The following RORB variants were observed in gnomAD, a reference collection of about 807,000 sequenced individuals.
The protein encoded by RORB is RAR related orphan receptor B, also known as nuclear receptor ROR-beta.
RORB carries 6 observed loss-of-function variants against 59.1 expected under a neutral mutation model. That is an observed-to-expected ratio of 0.10 (90% confidence interval 0.06 to 0.20). RORB has a LOEUF of 0.20. RORB is among the 10% of genes least tolerant of loss of function. The probability of loss-of-function intolerance (pLI) is 1.00; values close to 1 mark genes in which losing one functional copy is unlikely to be tolerated. For synonymous variants in RORB, 215 were observed against 204.5 expected, an observed-to-expected ratio of 1.05 and a Z score of -0.44; for missense variants, 320 against 560.5, an observed-to-expected ratio of 0.57 and a Z score of 4.33.
At chr9:74,573,698 C>A (rs1348529531) in intron 1 of RORB, among the ~76,000 whole-genome samples, 1 of 152,078 alleles carries the variant, frequency 6.6e-6, no homozygotes, top group South Asian at 2.1e-4. Context: ...AGAGCAATAA[C>A]CAACTGCCAG....
intron 1 of RORB, among the ~76,000 whole-genome samples, chr9:74,528,382 G>A (rs960783370): frequency 1.3e-5 from 2 of 152,030 alleles, no homozygotes; most frequent in Non-Finnish European, 2.9e-5. Context: ...GCAAGCCTCA[G>A]GCATCAACGT....
chr9:74,523,903 G>A (rs1318970559), intron 1 of RORB, among the ~76,000 whole-genome samples: 1 of 150,702 alleles, frequency 6.6e-6, no homozygotes, highest in Non-Finnish European at 1.5e-5. Flanking sequence ...CCTGAGCTGT[G>A]AAATGCTCTT....
chr9:74,568,554 G>A lies in RORB; in HGVS notation c.8-61728G>A, dbSNP rs181466587. Among the ~76,000 whole-genome samples, 780 of 151,936 alleles carry A rather than the reference G, an allele frequency of 5.1e-3. 2 individuals are homozygous for A. The highest frequency in any genetic ancestry group is 0.014 in the African/African-American group (562 of 41,448). On this transcript the variant is annotated intron_variant, in intron 1 of 9. Transcript: ENST00000376896. Reference sequence around the variant, plus strand: ...GTCTCTACTAAAAATACAAAAATTAGCCAGGTGTGGTGGTGGGCACCTATA... The same window carrying A: ...GTCTCTACTAAAAATACAAAAATTAACCAGGTGTGGTGGTGGGCACCTATA...
chr9:74,682,400 T>A (rs1307392544), intron 9 of RORB, among the ~76,000 whole-genome samples: 2 of 151,862 alleles, frequency 1.3e-5, no homozygotes, highest in Non-Finnish European at 2.9e-5. Context: ...AACCTGCACG[T>A]TGTGCACATG....
Position 74,690,180 on chromosome 9 carries a change from T to C in RORB, c.*4562T>C, listed in dbSNP as rs932994182. 15 of 152,152 alleles carry C rather than the reference T, an allele frequency of 9.9e-5. No homozygotes were observed. Among genetic ancestry groups the C allele is most frequent in the African/African-American group, 3.4e-4 (14 of 41,436 alleles). 9.4% of individuals were successfully genotyped at this position (152,152 alleles called of 1,614,324 possible). A position where few individuals can be genotyped will look rare whatever the true frequency, so the allele number is the denominator to read the frequency against. ...TTATTTGATGTTCTGTTTCCAACTG[T>C]CAGTATAAGCAGCAACTAGAGTAAA... is the stretch of plus-strand genomic sequence containing the variant. On this transcript the variant is annotated 3_prime_UTR_variant, in exon 10 of 10. Transcript: ENST00000376896.
At chr9:74,632,695 C>G (rs1823638948) in intron 2 of RORB, among the ~76,000 whole-genome samples, 1 of 152,062 alleles carries the variant, frequency 6.6e-6, no homozygotes, top group Non-Finnish European at 1.5e-5. Context: ...TCTTTTCTGT[C>G]CTGTCAACTC....
chr9:74,566,376 TTA>T (rs1483004365), intron 1 of RORB, among the ~76,000 whole-genome samples: 1 of 152,124 alleles, frequency 6.6e-6, no homozygotes, highest in African/African-American at 2.4e-5. Context: ...AACATATTAT[TTA>T]TGTTATTTTC....
chr9:74,624,127 T>C (rs1823469225), intron 1 of RORB, among the ~76,000 whole-genome samples: 1 of 149,782 alleles, frequency 6.7e-6, no homozygotes, highest in African/African-American at 2.4e-5. Context: ...TCTTTTGTCA[T>C]TATCATATGG....
At chr9:74,664,504 G>T (rs1824237688) in intron 6 of RORB, among the ~76,000 whole-genome samples, 2 of 152,166 alleles carry the variant, frequency 1.3e-5, no homozygotes, top group Admixed American at 6.5e-5. Flanking sequence ...ATTGTAAGGA[G>T]CAAAGATAAA....
intron 1 of RORB, among the ~76,000 whole-genome samples, chr9:74,579,805 C>A (rs920834737): frequency 3.3e-5 from 5 of 152,118 alleles, no homozygotes; most frequent in Admixed American, 1.3e-4. Flanking sequence ...TTCTGGGAAG[C>A]CTTATCTGAC....
intron 1 of RORB, among the ~76,000 whole-genome samples, chr9:74,624,545 C>A (rs1453722356): frequency 6.6e-6 from 1 of 152,204 alleles, no homozygotes. Context: ...CCCATCCCAA[C>A]CTTGGGGCTA....
intron 1 of RORB, among the ~76,000 whole-genome samples, chr9:74,621,945 T>G (rs913931350): frequency 3.3e-5 from 5 of 152,260 alleles, no homozygotes; most frequent in Admixed American, 6.5e-5. Flanking sequence ...TGGATTCAAG[T>G]ACTTTATTAC....
At chr9:74,554,261 C>A (rs1165903961) in intron 1 of RORB, among the ~76,000 whole-genome samples, 4 of 152,170 alleles carry the variant, frequency 2.6e-5, no homozygotes, top group Admixed American at 2.0e-4. Flanking sequence ...GGCCTCCTGA[C>A]TCCTAGTGCC....
chr9:74,559,097 A>G (rs1212720381), intron 1 of RORB, among the ~76,000 whole-genome samples: 1 of 152,130 alleles, frequency 6.6e-6, no homozygotes, highest in Non-Finnish European at 1.5e-5. Context: ...ATATTTTCCA[A>G]ACTCCGTGCA....
In RORB at chr9:74,693,099, T is replaced by G. The variant is rs1168053176; in HGVS notation, c.*7481T>G. The G allele has an allele frequency of 6.6e-6, 1 of 152,212 alleles. No homozygotes were observed. The highest frequency in any genetic ancestry group is 2.4e-5 in the African/African-American group (1 of 41,456). 9.4% of individuals were successfully genotyped at this position (152,212 alleles called of 1,614,324 possible). The stretch of plus-strand genomic sequence containing the variant: ...ATAATGCACACATGATTTCTGAATG[T>G]TTTCTGTAAATGACAATCAATGTTT... On this transcript the variant is annotated 3_prime_UTR_variant, in exon 10 of 10. Transcript: ENST00000376896.
At chr9:74,664,422 G>A (rs534140420) in intron 6 of RORB, among the ~76,000 whole-genome samples, 17 of 152,140 alleles carry the variant, frequency 1.1e-4, no homozygotes, top group African/African-American at 4.1e-4. Flanking sequence ...CAAAAAGGTA[G>A]GGTACTTAAT....
intron 1 of RORB, among the ~76,000 whole-genome samples, chr9:74,553,191 C>T (rs1289674729): frequency 3.3e-5 from 5 of 152,098 alleles, no homozygotes; most frequent in Non-Finnish European, 7.4e-5. Flanking sequence ...TTCGGTAGTC[C>T]TGGCGGGAGC....
At chr9:74,585,000 G>A (rs928260724) in intron 1 of RORB, among the ~76,000 whole-genome samples, 9 of 152,136 alleles carry the variant, frequency 5.9e-5, no homozygotes, top group African/African-American at 2.2e-4. Context: ...GGTGGACTGG[G>A]TCCCCATCCC....
intron 4 of RORB, among the ~76,000 whole-genome samples, chr9:74,654,434 G>A (rs115631223): frequency 1.3e-5 from 2 of 151,922 alleles, no homozygotes; most frequent in African/African-American, 4.8e-5. Context: ...ATGGAGGAAG[G>A]AGGTTAGGTC....
Sources: allele counts gnomAD v4.1 joint callset (sites outside exome capture counted in the v4.1 genomes callset), GRCh38; gene constraint gnomAD v4.1.1; transcripts MANE v1.5; gene names NCBI Gene and HGNC (gene_info 2026-07-23, HGNC 2026-07-21).